NIPBL: variants seen among roughly 807,000 people sequenced by gnomAD.
The protein encoded by NIPBL is nipped-B-like protein.
In NIPBL, 19 loss-of-function variants were observed where a neutral mutation model predicts 321.8. That is an observed-to-expected ratio of 0.06 (90% CI 0.04 to 0.09). The LOEUF is 0.09. Ranked by LOEUF, NIPBL falls within the 10% of genes least tolerant of loss-of-function variation. The probability of loss-of-function intolerance (pLI) is 1.00; values close to 1 mark genes in which losing one functional copy is unlikely to be tolerated. For missense variants in NIPBL, 2,210 were observed against 3,327.0 expected (o/e 0.66, Z 8.26); for synonymous variants, 1,106 against 1,114.1 (o/e 0.99, Z 0.14).
rs1308125190 is a variant in NIPBL at position 36,985,050 on chromosome 5, A to G, written c.1870A>G (p.Lys624Glu). ...AAGTGAAAGTAGATTAGCAGAATCT[A>G]AACCAAATGAAAACCGATTGGTGGA... Reference protein sequence around the residue: ...KQSESRLAESKPNENRLVETK... With the variant: ...KQSESRLAESEPNENRLVETK... The change falls in exon 10 of 47, where the codon AAA becomes GAA. Residue 624 changes from lysine to glutamate, a missense_variant. Physicochemically the swap from Lys to Glu is moderately conservative, Grantham distance 56. Coordinates refer to ENST00000282516, the MANE Select transcript of NIPBL (RefSeq NM_133433.4). The G allele has an allele frequency of 1.9e-6, 3 of 1,613,804 alleles. No individual in the cohort carries two copies. Among genetic ancestry groups the G allele is most frequent in the African/African-American group, 1.3e-5 (1 of 74,910 alleles).
intron 1 of NIPBL, among the ~76,000 whole-genome samples, chr5:36,936,457 A>G (rs1441835322): frequency 1.3e-5 from 2 of 152,186 alleles, no homozygotes; most frequent in Non-Finnish European, 2.9e-5. Context: ...GCAATAGGCT[A>G]TACCAGTAGC....
At chr5:37,053,991 T>C (rs140126704) in intron 42 of NIPBL, among the ~76,000 whole-genome samples, 4,978 of 151,794 alleles carry the variant, frequency 0.033, 262 homozygotes, top group African/African-American at 0.11. Context: ...AGGTCAGGAG[T>C]TCGAGACCAG....
chr5:36,876,841 C>A lies in NIPBL; in HGVS notation c.-417C>A, dbSNP rs1262000061. The A allele has an allele frequency of 2.1e-5, 8 of 387,288 alleles. No individual in the cohort carries two copies. The highest frequency in any genetic ancestry group is 1.3e-4 in the South Asian group (1 of 7,450). The allele number at this position is 387,288 out of a possible 1,614,324, so 24.0% of individuals were successfully genotyped here. ...GGCTCCTTCCCCCCGCCCTCCCCCCCCTCCCTCCGTCGGTACCGACTCACC... is the reference window on the plus strand; with the variant it reads ...GGCTCCTTCCCCCCGCCCTCCCCCCACTCCCTCCGTCGGTACCGACTCACC... On this transcript the variant is annotated 5_prime_UTR_variant, in exon 1 of 47. Transcript: ENST00000282516.
At chr5:36,956,302 G>C (rs898471116) in intron 3 of NIPBL, among the ~76,000 whole-genome samples, 4 of 152,002 alleles carry the variant, frequency 2.6e-5, no homozygotes, top group African/African-American at 9.7e-5. Context: ...TGTGTAAAAA[G>C]TAAAATCTCT....
At chr5:36,882,718 C>T (rs1745596885) in intron 1 of NIPBL, among the ~76,000 whole-genome samples, 1 of 151,938 alleles carries the variant, frequency 6.6e-6, no homozygotes, top group Admixed American at 6.6e-5. Flanking sequence ...CTATTCTTTA[C>T]ATTCTACCAC....
chr5:37,016,545 G>A (rs1032123490), intron 23 of NIPBL, among the ~76,000 whole-genome samples: 1 of 152,010 alleles, frequency 6.6e-6, no homozygotes, highest in African/African-American at 2.4e-5. Flanking sequence ...GCATTTTGTA[G>A]TCGTCATGTA....
At chr5:36,973,121 G>T (rs557807543) in intron 8 of NIPBL, among the ~76,000 whole-genome samples, 20 of 152,174 alleles carry the variant, frequency 1.3e-4, no homozygotes, top group African/African-American at 4.6e-4. Flanking sequence ...TTATCAGTTT[G>T]TTGGAAGAGA....
chr5:36,980,123 CTTATT>C (rs1340452222), intron 9 of NIPBL, among the ~76,000 whole-genome samples: 6 of 151,596 alleles, frequency 4.0e-5, no homozygotes, highest in Non-Finnish European at 7.4e-5. Context: ...TATTAGCAAA[CTTATT>C]TTATACTGCG....
At chr5:37,054,928 G>GT (rs1302711994) in intron 42 of NIPBL, among the ~76,000 whole-genome samples, 1 of 152,014 alleles carries the variant, frequency 6.6e-6, no homozygotes, top group Non-Finnish European at 1.5e-5. Flanking sequence ...AAAAAACATT[G>GT]TAAGTGTGTG....
chr5:36,917,299 AGT>A (rs1748540929), intron 1 of NIPBL, among the ~76,000 whole-genome samples: 1 of 152,174 alleles, frequency 6.6e-6, no homozygotes, highest in Non-Finnish European at 1.5e-5. Context: ...TCTTTTGAGA[AGT>A]GTCTGTTCAT....
chr5:36,906,128 A>G (rs961522217), intron 1 of NIPBL, among the ~76,000 whole-genome samples: 7 of 152,222 alleles, frequency 4.6e-5, no homozygotes, highest in African/African-American at 7.2e-5. Flanking sequence ...TAGCTAAAAC[A>G]TCAATACATC....
chr5:37,059,449 G>T (rs147984126), intron 44 of NIPBL, among the ~76,000 whole-genome samples: 83 of 152,326 alleles, frequency 5.4e-4, no homozygotes, highest in African/African-American at 1.9e-3. Flanking sequence ...GGAGATTGCA[G>T]TGAGCTGAGA....
chr5:36,908,572 A>G (rs1168010104), intron 1 of NIPBL, among the ~76,000 whole-genome samples: 1 of 152,194 alleles, frequency 6.6e-6, no homozygotes, highest in African/African-American at 2.4e-5. Context: ...ACCACAAGGA[A>G]ATAATGATTT....
chr5:36,898,271 T>C (rs1746930712), intron 1 of NIPBL, among the ~76,000 whole-genome samples: 1 of 152,218 alleles, frequency 6.6e-6, no homozygotes, highest in Non-Finnish European at 1.5e-5. Context: ...ATATTGTTGT[T>C]CTTATCAGTG....
In NIPBL at chr5:36,984,388, A is replaced by T. The variant is rs565273225; in HGVS notation, c.1496-288A>T. Among the ~76,000 whole-genome samples, 3 of 152,206 alleles carry T rather than the reference A, an allele frequency of 2.0e-5. No homozygotes were observed. In the South Asian group the frequency reaches 6.2e-4, roughly 32 times the overall value. ...AATATATGTTTGTATTTGGTACATTATAAGTTCTATTCATTTTATATTCTT... is the reference window on the plus strand; with the variant it reads ...AATATATGTTTGTATTTGGTACATTTTAAGTTCTATTCATTTTATATTCTT... On this transcript the variant is annotated intron_variant, in intron 9 of 46. Transcript: ENST00000282516.
At chr5:36,909,028 A>G (rs1311467769) in intron 1 of NIPBL, among the ~76,000 whole-genome samples, 3 of 152,182 alleles carry the variant, frequency 2.0e-5, no homozygotes, top group Non-Finnish European at 2.9e-5. Context: ...ACTGAAACCA[A>G]ATAGCATACC....
chr5:37,027,975 A>T (rs559946353), intron 32 of NIPBL, among the ~76,000 whole-genome samples: 278 of 152,138 alleles, frequency 1.8e-3, no homozygotes, highest in African/African-American at 6.5e-3. Context: ...ATTCTATCTT[A>T]CTTTCTTTCC....
chr5:36,893,925 C>T (rs985529725), intron 1 of NIPBL, among the ~76,000 whole-genome samples: 2 of 152,156 alleles, frequency 1.3e-5, no homozygotes, highest in Non-Finnish European at 2.9e-5. Context: ...AGCCTACCAG[C>T]AGTACTTCAA....
At chr5:36,893,226 T>A (rs1244325841) in intron 1 of NIPBL, among the ~76,000 whole-genome samples, 1 of 152,208 alleles carries the variant, frequency 6.6e-6, no homozygotes, top group East Asian at 1.9e-4. Context: ...GAGAACTATG[T>A]TACTTTGTTC....
Sources: allele counts gnomAD v4.1 joint callset (sites outside exome capture counted in the v4.1 genomes callset), GRCh38; gene constraint gnomAD v4.1.1; transcripts MANE v1.5; gene names NCBI Gene and HGNC (gene_info 2026-07-23, HGNC 2026-07-21).